The following LIMCH1 variants were observed in gnomAD, a reference collection of about 807,000 sequenced individuals.
The protein encoded by LIMCH1 is LIM and calponin homology domains-containing protein 1.
LIMCH1 carries 113 observed loss-of-function variants against 176.5 expected under a neutral mutation model. The observed-to-expected ratio is 0.64, with a 90% CI of 0.55 to 0.75. The LOEUF (loss-of-function observed/expected upper bound fraction) is 0.75, where lower values mean the gene tolerates loss of function less well. LIMCH1 is among the 30% of genes least tolerant of loss of function. The pLI, the probability that LIMCH1 is intolerant of heterozygous loss-of-function variation, is 0.00. For missense variants in LIMCH1, 1,674 were observed against 1,814.9 expected, an observed-to-expected ratio of 0.92 and a Z score of 1.41; for synonymous variants, 619 against 645.9, an observed-to-expected ratio of 0.96 and a Z score of 0.63.
chr4:41,447,134 G>A (rs1008062218), intron 1 of LIMCH1, among the ~76,000 whole-genome samples: 2 of 152,310 alleles, frequency 1.3e-5, no homozygotes, highest in East Asian at 1.9e-4. Flanking sequence ...GGAGGCTGAC[G>A]TGGGAAAATC....
chr4:41,664,280 A>C (rs779897127), intron 20 of LIMCH1, among the ~76,000 whole-genome samples: 1 of 152,140 alleles, frequency 6.6e-6, no homozygotes, highest in Admixed American at 6.6e-5. Context: ...TTTATTCATC[A>C]TTTACTCAAC....
intron 14 of LIMCH1, among the ~76,000 whole-genome samples, chr4:41,642,765 G>C (rs890196340): frequency 1.5e-5 from 2 of 137,508 alleles, no homozygotes; most frequent in African/African-American, 5.5e-5. Context: ...TTTTAGTAGA[G>C]AAGGGGTTTC....
At chr4:41,492,005 G>A (rs1470354144) in intron 1 of LIMCH1, among the ~76,000 whole-genome samples, 1 of 152,198 alleles carries the variant, frequency 6.6e-6, no homozygotes, top group Non-Finnish European at 1.5e-5. Flanking sequence ...CGGGGTGGCG[G>A]GCAGGCAGAG....
At chr4:41,401,352 C>T (rs548189527) in intron 1 of LIMCH1, among the ~76,000 whole-genome samples, 10 of 152,108 alleles carry the variant, frequency 6.6e-5, no homozygotes, top group South Asian at 4.2e-4. Context: ...AGATATGCGG[C>T]GTTATTTCTG....
At chr4:41,413,010 A>G (rs2059620866) in intron 1 of LIMCH1, among the ~76,000 whole-genome samples, 1 of 152,168 alleles carries the variant, frequency 6.6e-6, no homozygotes, top group South Asian at 2.1e-4. Context: ...TTTGAGGATA[A>G]GCTTATCTAC....
intron 1 of LIMCH1, among the ~76,000 whole-genome samples, chr4:41,560,788 G>T (rs1442382112): frequency 1.3e-5 from 2 of 152,138 alleles, no homozygotes; most frequent in Non-Finnish European, 2.9e-5. Context: ...GGAGACCAAG[G>T]TAGATGGGTC....
Position 41,403,118 on chromosome 4 carries a change from G to C in LIMCH1, c.96+42182G>C, listed in dbSNP as rs181850651. On this transcript the variant is annotated intron_variant, in intron 1 of 26. Coordinates refer to the LIMCH1 transcript ENST00000313860. ...ATTTTTCTATTCAAAAAATAAAAAA[G>C]CCTAGTACCATATCTAGGAAAACAG... Among the ~76,000 whole-genome samples the C allele has an allele frequency of 5.1e-4, 77 of 151,674 alleles. 1 individual carries two copies. The East Asian group carries it at 0.014, about 27-fold the overall frequency.
At chr4:41,548,091 C>T (rs948294006) in intron 1 of LIMCH1, among the ~76,000 whole-genome samples, 1 of 151,594 alleles carries the variant, frequency 6.6e-6, no homozygotes, top group African/African-American at 2.4e-5. Flanking sequence ...TAGCATGTTG[C>T]CTGGCACCTT....
chr4:41,420,824 G>T (rs1421185064), intron 1 of LIMCH1, among the ~76,000 whole-genome samples: 1 of 152,256 alleles, frequency 6.6e-6, no homozygotes, highest in African/African-American at 2.4e-5. Context: ...CCAAGAGCTT[G>T]ATGATAGAGA....
chr4:41,671,909 AGTATTCAACC>A (rs2095054187), intron 22 of LIMCH1, among the ~76,000 whole-genome samples: 1 of 146,018 alleles, frequency 6.8e-6, no homozygotes. Flanking sequence ...AAAAAAAAAG[AGTATTCAACC>A]AAAATTGAGA....
intron 4 of LIMCH1, chr4:41,612,438 T>C (rs2091540961): frequency 1.5e-6 from 1 of 662,796 alleles, no homozygotes; most frequent in Non-Finnish European, 2.7e-6. Flanking sequence ...AGAACATGCC[T>C]CTCTGCCAGT....
intron 1 of LIMCH1, among the ~76,000 whole-genome samples, chr4:41,552,398 T>C (rs1313501670): frequency 1.3e-5 from 2 of 152,270 alleles, no homozygotes; most frequent in East Asian, 3.9e-4. Flanking sequence ...ACATGGCATG[T>C]GCCACGCCTG....
intron 23 of LIMCH1, among the ~76,000 whole-genome samples, chr4:41,676,894 G>A (rs2095235914): frequency 6.6e-6 from 1 of 152,118 alleles, no homozygotes; most frequent in Non-Finnish European, 1.5e-5. Flanking sequence ...TGGGCGTGGT[G>A]GCTCACGACT....
At chr4:41,454,432 A>G (rs1254513392) in intron 1 of LIMCH1, among the ~76,000 whole-genome samples, 2 of 151,914 alleles carry the variant, frequency 1.3e-5, no homozygotes, top group East Asian at 1.9e-4. Context: ...TGTTTTTCAA[A>G]TGGGTGGATG....
intron 1 of LIMCH1, among the ~76,000 whole-genome samples, chr4:41,553,944 C>G (rs1029230460): frequency 6.6e-6 from 1 of 152,160 alleles, no homozygotes; most frequent in African/African-American, 2.4e-5. Flanking sequence ...AATTCTCAAG[C>G]TCAGTAGTAT....
At chr4:41,514,698 A>T (rs977512073) in intron 2 of LIMCH1, among the ~76,000 whole-genome samples, 2 of 152,184 alleles carry the variant, frequency 1.3e-5, no homozygotes, top group Non-Finnish European at 2.9e-5. Flanking sequence ...TCTGGTGGCA[A>T]TGGAGACTTT....
chr4:41,574,075 A>G (rs868315328), intron 1 of LIMCH1, among the ~76,000 whole-genome samples: 25 of 152,158 alleles, frequency 1.6e-4, no homozygotes, highest in Admixed American at 6.5e-5. Flanking sequence ...GGCAGGAAAT[A>G]TCATGGGTTT....
chr4:41,581,517 C>T (rs967466866), intron 1 of LIMCH1, among the ~76,000 whole-genome samples: 5 of 152,022 alleles, frequency 3.3e-5, no homozygotes, highest in African/African-American at 9.7e-5. Context: ...TTAAATTCCA[C>T]AAGTGACAGC....
intron 1 of LIMCH1, among the ~76,000 whole-genome samples, chr4:41,413,863 T>G (rs2059700313): frequency 6.6e-6 from 1 of 152,048 alleles, no homozygotes; most frequent in African/African-American, 2.4e-5. Context: ...CTGTGGTTTA[T>G]AAAAAGGAAG....
Sources: gnomAD v4.1 joint callset for allele counts (sites outside exome capture counted in the v4.1 genomes callset) on GRCh38, gnomAD v4.1.1 for gene constraint, MANE v1.5 for transcripts, NCBI Gene and HGNC (gene_info 2026-07-23, HGNC 2026-07-21) for gene names.